CACNA1B: variants seen among roughly 807,000 people sequenced by gnomAD.
CACNA1B encodes calcium voltage-gated channel subunit alpha1 B, also known as voltage-dependent N-type calcium channel subunit alpha-1B.
In CACNA1B, 70 loss-of-function variants were observed where a neutral mutation model predicts 247.2. That is an observed-to-expected ratio of 0.28 (90% CI 0.23 to 0.35). The LOEUF (loss-of-function observed/expected upper bound fraction) is 0.35. Ranked by LOEUF, CACNA1B falls within the 10% of genes least tolerant of loss-of-function variation. CACNA1B has a pLI of 1.00. For synonymous variants in CACNA1B, 1,231 were observed against 1,294.4 expected (o/e 0.95, Z 1.05); for missense variants, 2,367 against 3,197.4 (o/e 0.74, Z 6.26).
At chr9:138,097,037 C>G (rs1296782003) in intron 37 of CACNA1B, among the ~76,000 whole-genome samples, 1 of 151,480 alleles carries the variant, frequency 6.6e-6, no homozygotes, top group Non-Finnish European at 1.5e-5. Flanking sequence ...TTGTGAGACT[C>G]GATGTAGGGT....
chr9:138,013,123 AAAC>A lies in CACNA1B; in HGVS notation c.2161-4_2161-2del. ...GGGAACTGGACATTTCTCTTTGCTC[AAAC>A]AGGATGAAGAGGAGATGGAAGAAGC... On this transcript the variant is annotated splice_region_variant and splice_polypyrimidine_tract_variant and intron_variant, in intron 17 of 46. Transcript: ENST00000371372. 6.2e-7 allele frequency: 1 copy of A among 1,610,434 alleles called. No homozygotes were observed. Among genetic ancestry groups the A allele is most frequent in the Non-Finnish European group, 8.5e-7 (1 of 1,176,830 alleles).
Position 138,121,536 on chromosome 9 carries a change from G to A in CACNA1B, c.6557G>A (p.Gly2186Glu), listed in dbSNP as rs1962099725. The change falls in exon 47 of 47, where the codon GGG (glycine) becomes GAG (glutamate). Residue 2186 changes from glycine (G) to glutamate (E), a missense_variant. Physicochemically the swap from Gly to Glu is moderately conservative, Grantham distance 98 (BLOSUM62 -2). Around this residue, in one of 12 missense-constraint regions of CACNA1B, gnomAD observed 773 missense variants for 779.4 expected, o/e 0.99. Transcript: ENST00000371372. The surrounding 1 kb of genome is among the most constrained non-coding windows in gnomAD (Gnocchi z 6.8). Reference protein sequence around the residue: ...TSGASTPGRGGRRQLPQTPLT... With the variant: ...TSGASTPGRGERRQLPQTPLT... ...GGTGCTAGCACCCCCGGCCGCGGTGGGCGGAGGCAGCTCCCCCAGACGCCC... is the reference window on the plus strand; with the variant it reads ...GGTGCTAGCACCCCCGGCCGCGGTGAGCGGAGGCAGCTCCCCCAGACGCCC... The A allele has an allele frequency of 6.3e-7, 1 of 1,589,674 alleles. No homozygotes were observed. The highest frequency in any genetic ancestry group is 8.6e-7 in the Non-Finnish European group (1 of 1,165,832).
At chr9:138,062,378 G>A (rs528759746) in intron 31 of CACNA1B, among the ~76,000 whole-genome samples, 3 of 152,288 alleles carry the variant, frequency 2.0e-5, no homozygotes, top group South Asian at 4.1e-4. Flanking sequence ...AAGTGATGGC[G>A]GGAGTGAGGT....
At chr9:137,893,879 C>T (rs1414946314) in intron 3 of CACNA1B, among the ~76,000 whole-genome samples, 1 of 152,198 alleles carries the variant, frequency 6.6e-6, no homozygotes, top group East Asian at 1.9e-4. Flanking sequence ...CCCGGGAGGG[C>T]CCCTCATGCT....
At chr9:137,970,209 C>T (rs1958130008) in intron 10 of CACNA1B, among the ~76,000 whole-genome samples, 1 of 152,132 alleles carries the variant, frequency 6.6e-6, no homozygotes, top group Non-Finnish European at 1.5e-5. Context: ...ACACAGGGAC[C>T]CCATGCTCAA....
Position 137,884,964 on chromosome 9 carries a change from CCCCCT to C in CACNA1B, c.530+2084_530+2088del, listed in dbSNP as rs1245628842. Among the ~76,000 whole-genome samples, 262 of 109,128 alleles carry C rather than the reference CCCCCT, an allele frequency of 2.4e-3. 8 individuals carry two copies. The highest frequency in any genetic ancestry group is 8.5e-3 in the African/African-American group (253 of 29,864). 71.6% of individuals were successfully genotyped at this position (109,128 alleles called of 152,430 possible). A position where few individuals can be genotyped will look rare whatever the true frequency, so the allele number is the denominator to read the frequency against. ...CTCCCTCCTCTCCCCTCTTCCCCCCCCCCCTCCTCCCACTTTGCCTGTCTAGCCCT... is the reference window on the plus strand; with the variant it reads ...CTCCCTCCTCTCCCCTCTTCCCCCCCCCTCCCACTTTGCCTGTCTAGCCCT... On this transcript the variant is annotated intron_variant, in intron 3 of 46. Transcript: ENST00000371372.
intron 2 of CACNA1B, among the ~76,000 whole-genome samples, chr9:137,879,565 G>A (rs1247296283): frequency 6.6e-6 from 1 of 152,264 alleles, no homozygotes; most frequent in Non-Finnish European, 1.5e-5. Flanking sequence ...TGGCCTGGAT[G>A]TGGGAACCCT....
chr9:138,087,384 CAAAAAAA>C (rs58566171), intron 36 of CACNA1B, among the ~76,000 whole-genome samples: 7 of 52,674 alleles, frequency 1.3e-4, no homozygotes, highest in South Asian at 7.9e-4. Context: ...GACTCTGTCT[CAAAAAAA>C]AAAAAAAAAA....
chr9:138,042,901 T>C (rs545895071), intron 20 of CACNA1B, among the ~76,000 whole-genome samples: 1 of 152,354 alleles, frequency 6.6e-6, no homozygotes, highest in African/African-American at 2.4e-5. Context: ...TTTGCTTTTA[T>C]GTTTCTTTAA....
chr9:138,059,659 T>C lies in CACNA1B; in HGVS notation c.4590T>C (p.Tyr1530=). ...LKIIAFGVLN[Y]FRDAWNVFDF... ...CTGCTCTTCTTTTTCTCTAGAACTA[T>C]TTCAGAGATGCCTGGAATGTCTTTG... Residue 1530 remains tyrosine, a synonymous_variant, in exon 31 of 47, where the codon TAT becomes TAC. Transcript: ENST00000371372. The surrounding 1 kb of genome is among the most constrained non-coding windows in gnomAD (Gnocchi z 4.2). 6.3e-7 allele frequency: 1 copy of C among 1,598,166 alleles called. No individual in the cohort carries two copies. Among genetic ancestry groups the C allele is most frequent in the Non-Finnish European group, 8.6e-7 (1 of 1,165,404 alleles).
intron 36 of CACNA1B, among the ~76,000 whole-genome samples, chr9:138,086,498 T>G (rs1010955760): frequency 2.0e-5 from 3 of 150,980 alleles, no homozygotes; most frequent in African/African-American, 7.4e-5. Flanking sequence ...GAGTAGCCAC[T>G]ACACTCCAGC....
In CACNA1B at chr9:138,007,945, C is replaced by T. The variant is rs1564234899; in HGVS notation, c.2092+1061C>T. On this transcript the variant is annotated intron_variant, in intron 16 of 46. Coordinates refer to ENST00000371372, the MANE Select transcript of CACNA1B (RefSeq NM_000718.4). This position sits in a 1 kb window ranked among gnomAD's most constrained non-coding sequence, Gnocchi z 4.1. Reference sequence around the variant, plus strand: ...TTTCCTGTCTCCATCTCCCTGGCTCCTCATTCCTTGCTCCACCTCTCCTAG... The same window carrying T: ...TTTCCTGTCTCCATCTCCCTGGCTCTTCATTCCTTGCTCCACCTCTCCTAG... Among the ~76,000 whole-genome samples, 1 of 152,246 alleles carries T rather than the reference C, an allele frequency of 6.6e-6. No homozygotes were observed. Among genetic ancestry groups the T allele is most frequent in the Non-Finnish European group, 1.5e-5 (1 of 68,046 alleles).
In CACNA1B at chr9:137,914,972, A is replaced by G. The variant is rs1384446878; in HGVS notation, c.775+166A>G. Among the ~76,000 whole-genome samples, 1 of 152,270 alleles carries G rather than the reference A, an allele frequency of 6.6e-6. No individual in the cohort carries two copies. The highest frequency in any genetic ancestry group is 1.9e-4 in the East Asian group (1 of 5,204). On this transcript the variant is annotated intron_variant, in intron 5 of 46. Transcript: ENST00000371372. The surrounding 1 kb of genome is among the most constrained non-coding windows in gnomAD (Gnocchi z 4.3). ...GACGATAGCCTGATAAACACAAGTA[A>G]ATAAACACAGAAATATAATAATTAT... is the stretch of plus-strand genomic sequence containing the variant.
At chr9:137,910,575 ATTG>A (rs1957348659) in intron 3 of CACNA1B, among the ~76,000 whole-genome samples, 2 of 152,290 alleles carry the variant, frequency 1.3e-5, no homozygotes, top group African/African-American at 4.8e-5. Context: ...GAGCCCTGAG[ATTG>A]TTGTCCTGCA....
chr9:138,013,386 T>A (rs993381800), intron 18 of CACNA1B, among the ~76,000 whole-genome samples, 151 bp downstream of exon 18: 1 of 152,052 alleles, frequency 6.6e-6, no homozygotes, highest in Non-Finnish European at 1.5e-5. Context: ...GGAACTGGGA[T>A]GAGAGCCTGG....
chr9:138,000,150 G>A (rs957778077), intron 15 of CACNA1B, among the ~76,000 whole-genome samples: 19 of 150,242 alleles, frequency 1.3e-4, no homozygotes, highest in Non-Finnish European at 1.9e-4. Context: ...CCAGGCTGGA[G>A]TGCAGTGGTG....
chr9:137,978,791 C>T (rs1022518553), intron 12 of CACNA1B, among the ~76,000 whole-genome samples: 1 of 152,150 alleles, frequency 6.6e-6, no homozygotes, highest in Non-Finnish European at 1.5e-5. Context: ...CCAGGCTGCC[C>T]ATCAGTTTGA....
At chr9:137,878,342 G>A (rs1956865556) in intron 1 of CACNA1B, 125 bp downstream of exon 1, 11 of 825,058 alleles carry the variant, frequency 1.3e-5, no homozygotes, top group African/African-American at 1.8e-5. Flanking sequence ...GGCGAGGGGG[G>A]TACGGAGCGC....
intron 18 of CACNA1B, 71 bp from the exon 19 acceptor site, chr9:138,022,940 C>T: frequency 7.0e-7 from 1 of 1,432,886 alleles, no homozygotes; most frequent in Non-Finnish European, 9.1e-7. Context: ...GCTGTGTGTG[C>T]ATTGTGGCCT....
Sources: gnomAD v4.1 joint callset for allele counts (sites outside exome capture counted in the v4.1 genomes callset) on GRCh38, gnomAD v4.1.1 for gene constraint, gnomAD v4.1.1 regional missense constraint, Gnocchi (gnomAD v3.1) non-coding constraint, MANE v1.5 for transcripts, NCBI Gene and HGNC (gene_info 2026-07-23, HGNC 2026-07-21) for gene names.